The following KIF1C variants were observed in gnomAD, a reference collection of about 807,000 sequenced individuals.
KIF1C encodes kinesin family member 1C, also known as kinesin-like protein KIF1C.
A neutral mutation model predicts 126.5 loss-of-function variants in KIF1C; 61 were observed. That is an observed-to-expected ratio of 0.48 (90% CI 0.39 to 0.60). KIF1C has a LOEUF of 0.60. Among genes scored for constraint, KIF1C ranks in the 20% least tolerant of loss-of-function variants. The pLI is 0.00. For synonymous variants in KIF1C, 640 were observed against 580.6 expected, an observed-to-expected ratio of 1.10 and a Z score of -1.47; for missense variants, 1,315 against 1,489.2, an observed-to-expected ratio of 0.88 and a Z score of 1.93.
chr17:5,003,942 G>T (rs1459152458), intron 10 of KIF1C, 26 bp downstream of exon 10: 1 of 1,612,058 alleles, frequency 6.2e-7, no homozygotes, highest in Non-Finnish European at 8.5e-7. Context: ...TGGAAAGAAG[G>T]GGCTTGGGAA....
rs960973563 is a variant in KIF1C at position 5,014,778 on chromosome 17, G to A, written c.1607G>A (p.Gly536Glu). ...GQVDMDIKLT[G>E]QFIREQHCLF... ...GTAGATATGGACATCAAGCTGACCG[G>A]ACAGTTCATTCGGGAGCAACACTGT... Residue 536 changes from glycine (G) to glutamate (E), a missense_variant, in exon 18 of 23, where the codon GGA becomes GAA. Physicochemically the swap from Gly to Glu is moderately conservative, Grantham distance 98. Coordinates refer to ENST00000320785, the MANE Select transcript of KIF1C (RefSeq NM_006612.6). The A allele has an allele frequency of 6.2e-7, 1 of 1,601,628 alleles. No individual in the cohort carries two copies. Among genetic ancestry groups the A allele is most frequent in the Non-Finnish European group, 8.5e-7 (1 of 1,174,644 alleles).
At chr17:5,019,619 GATA>G (rs1975047201) in intron 18 of KIF1C, 1 of 239,586 alleles carries the variant, frequency 4.2e-6, no homozygotes, top group African/African-American at 2.3e-5. Flanking sequence ...CCCCACCAGG[GATA>G]ATGTCAGTGG....
chr17:5,003,469 G>C (rs1974652518), intron 8 of KIF1C, 143 bp from the exon 9 acceptor site: 1 of 609,760 alleles, frequency 1.6e-6, no homozygotes, highest in Non-Finnish European at 2.9e-6. Flanking sequence ...CACGTATTCT[G>C]TTTCCCCCGG....
Position 5,006,902 on chromosome 17 carries a change from T to A in KIF1C, c.1166-13T>A. 1 of 1,611,956 alleles carries A rather than the reference T, an allele frequency of 6.2e-7. No homozygotes were observed. Among genetic ancestry groups the A allele is most frequent in the South Asian group, 1.1e-5 (1 of 90,912 alleles). The stretch of plus-strand genomic sequence containing the variant: ...TCCTTAGCCTCATTCTTTTTCCTCT[T>A]TCTCCCTCCCAGGCCTGAAGACGGA... On this transcript the variant is annotated splice_polypyrimidine_tract_variant and intron_variant, in intron 13 of 22. Coordinates refer to ENST00000320785, the MANE Select transcript of KIF1C (RefSeq NM_006612.6).
chr17:5,000,148 G>A lies in KIF1C; in HGVS notation c.-27-72G>A. 4 of 819,766 alleles carry A rather than the reference G, an allele frequency of 4.9e-6. No homozygotes were observed. In the Admixed American group the frequency reaches 8.6e-5, roughly 18 times the overall value. 50.8% of individuals were successfully genotyped at this position (819,766 alleles called of 1,614,324 possible). On this transcript the variant is annotated intron_variant, in intron 2 of 22. Transcript: ENST00000320785. ...GGAGATGTGAAGAGACTGGTTCCGG[G>A]AAGAAGCTGGGAGGCAATGTCTGGG...
At chr17:5,000,935 C>A in intron 4 of KIF1C, 87 bp downstream of exon 4, 1 of 1,331,516 alleles carries the variant, frequency 7.5e-7, no homozygotes, top group Non-Finnish European at 1.1e-6. Context: ...AAATAGGACC[C>A]CCAGGGGATT....
rs371522240 is a variant in KIF1C at position 5,007,067 on chromosome 17, G to A, written c.1318G>A (p.Ala440Thr). ...NTESQIGPEE[A>T]MERLQETEKI... is the part of the protein sequence containing the mutation. ...GGAGTCCCAGATTGGGCCTGAGGAA[G>A]CCATGGAGAGGCTGCAGGTGGGAAG... The change falls in exon 14 of 23, where the codon GCC (alanine) becomes ACC (threonine). Residue 440 changes from alanine to threonine, a missense_variant. By Grantham distance (58) the Ala-to-Thr change is moderately conservative. This residue lies in a region of KIF1C where 874 missense variants were observed against 1,053.2 expected (regional missense o/e 0.83). Transcript: ENST00000320785. The A allele has an allele frequency of 5.0e-6, 8 of 1,593,908 alleles. No individual in the cohort carries two copies. Among genetic ancestry groups the A allele is most frequent in the Non-Finnish European group, 6.8e-6 (8 of 1,173,158 alleles).
chr17:5,020,404 CCT>C lies in KIF1C; in HGVS notation c.1751-87_1751-86del. 1 of 1,318,630 alleles carries C rather than the reference CCT, an allele frequency of 7.6e-7. No individual in the cohort carries two copies. Among genetic ancestry groups the C allele is most frequent in the African/African-American group, 1.5e-5 (1 of 68,110 alleles). 81.7% of individuals were successfully genotyped at this position (1,318,630 alleles called of 1,614,324 possible). A position where few individuals can be genotyped will look rare whatever the true frequency, so the allele number is the denominator to read the frequency against. On this transcript the variant is annotated intron_variant, in intron 19 of 22. Coordinates refer to ENST00000320785, the MANE Select transcript of KIF1C (RefSeq NM_006612.6). The surrounding 1 kb of genome is among the most constrained non-coding windows in gnomAD (Gnocchi z 5.8). ...TGATGAAGGGGAGGGTGTCACAGCC[CCT>C]GTGCCAGATTCTCTATGCCTTGGGT...
At chr17:5,003,581 C>A in intron 8 of KIF1C, 31 bp from the exon 9 acceptor site, 8 of 1,558,016 alleles carry the variant, frequency 5.1e-6, no homozygotes, top group Non-Finnish European at 7.0e-6. Context: ...CCACCCGCAC[C>A]TTATCTCCTG....
chr17:4,998,434 C>T (rs1974449796), intron 1 of KIF1C, among the ~76,000 whole-genome samples: 1 of 152,166 alleles, frequency 6.6e-6, no homozygotes. Context: ...CCTTTCGGGC[C>T]GGTCGGCCCC....
intron 16 of KIF1C, among the ~76,000 whole-genome samples, chr17:5,008,396 G>A (rs111884899): frequency 0.099 from 15,024 of 151,542 alleles, 1,482 homozygotes; most frequent in African/African-American, 0.25. Context: ...GCAGAGGCCA[G>A]TTTGAGCAGA....
In KIF1C at chr17:5,007,258, C is replaced by T; in HGVS notation, c.1336-5C>T. The T allele has an allele frequency of 1.2e-6, 2 of 1,605,710 alleles. No homozygotes were observed. The highest frequency in any genetic ancestry group is 8.5e-7 in the Non-Finnish European group (1 of 1,176,000). ...TCCTGAAACCTACCCACCTTACGCC[C>T]CCAGGAGACAGAGAAGATTATAGCT... is the stretch of plus-strand genomic sequence containing the variant. On this transcript the variant is annotated splice_polypyrimidine_tract_variant and splice_region_variant and intron_variant, in intron 14 of 22. Coordinates refer to ENST00000320785, the MANE Select transcript of KIF1C (RefSeq NM_006612.6).
chr17:5,023,620 C>T lies in KIF1C; in HGVS notation c.2781C>T (p.Leu927=), dbSNP rs780050504. Residue 927 remains leucine (L), a synonymous_variant, in exon 23 of 23, where the codon CTC becomes CTT. Coordinates refer to ENST00000320785, the MANE Select transcript of KIF1C (RefSeq NM_006612.6). The surrounding 1 kb of genome is among the most constrained non-coding windows in gnomAD (Gnocchi z 4.2). ...CAAGCTGGGAGCGGGTGTCACGGCTCATGGAGGAGGACCCTGCCTTCCGTC... is the reference window on the plus strand; with the variant it reads ...CAAGCTGGGAGCGGGTGTCACGGCTTATGGAGGAGGACCCTGCCTTCCGTC... ...PLSSWERVSR[L]MEEDPAFRRG... 6.2e-7 allele frequency: 1 copy of T among 1,613,614 alleles called. No homozygotes were observed. Among genetic ancestry groups the T allele is most frequent in the African/African-American group, 1.3e-5 (1 of 75,034 alleles).
rs558165630 is a variant in KIF1C at position 5,010,477 on chromosome 17, G to GGT, written c.1491+2937_1491+2938dup. Reference sequence around the variant, plus strand: ...TAAAATTTTAATCTAGGCCGGGTGCGGTGGCTCACGCCTGTAATCCCAGCA... The same window carrying GGT: ...TAAAATTTTAATCTAGGCCGGGTGCGGTGTGGCTCACGCCTGTAATCCCAGCA... On this transcript the variant is annotated intron_variant, in intron 16 of 22. Coordinates refer to ENST00000320785, the MANE Select transcript of KIF1C (RefSeq NM_006612.6). 2.7e-3 allele frequency among the ~76,000 whole-genome samples: 406 copies of GGT among 152,148 alleles called. 3 individuals carry two copies. The highest frequency in any genetic ancestry group is 0.021 in the East Asian group (105 of 5,100).
At chr17:5,001,017 C>T (rs909835908) in intron 4 of KIF1C, among the ~76,000 whole-genome samples, 169 bp downstream of exon 4, 55 of 151,930 alleles carry the variant, frequency 3.6e-4, no homozygotes, top group African/African-American at 1.3e-3. Context: ...GAGGCCTCGA[C>T]AGGAAGGCGG....
Position 5,004,018 on chromosome 17 carries a change from G to A in KIF1C, c.885G>A (p.Ser295=), listed in dbSNP as rs148489739. The change falls in exon 11 of 23, where the codon TCG becomes TCA. Residue 295 remains serine (S), a synonymous_variant. Coordinates refer to ENST00000320785, the MANE Select transcript of KIF1C (RefSeq NM_006612.6). ...LADMQSKKRK[S]DFIPYRDSVL... ...CCCAGCAATCAAAGAAGCGAAAGTC[G>A]GATTTTATCCCCTACAGGGACTCTG... 1,025 of 1,614,038 alleles carry A rather than the reference G, an allele frequency of 6.4e-4. 12 individuals carry two copies. The South Asian group carries it at 6.4e-3, about 10-fold the overall frequency.
rs759229791 is a variant in KIF1C at position 5,007,561 on chromosome 17, G to A, written c.1491+19G>A. 14 of 1,536,704 alleles carry A rather than the reference G, an allele frequency of 9.1e-6. No homozygotes were observed. In the East Asian group the frequency reaches 1.4e-4, roughly 15 times the overall value. On this transcript the variant is annotated intron_variant, in intron 16 of 22. Transcript: ENST00000320785. The stretch of plus-strand genomic sequence containing the variant: ...AAAGAAGGTGAGTGAGGAATCGAGC[G>A]AGGAGGCCTAGAGAGCTCTCTGGAT...
chr17:5,014,901 C>A, intron 18 of KIF1C, 64 bp downstream of exon 18: 1 of 1,356,762 alleles, frequency 7.4e-7, no homozygotes, highest in Non-Finnish European at 1.0e-6. Context: ...ACCCCACACA[C>A]TGAACTCAGA....
rs780401920 is a variant in KIF1C, at chr17:5,020,300, C to T, written c.1751-192C>T. Among the ~76,000 whole-genome samples the T allele has an allele frequency of 6.6e-6, 1 of 152,178 alleles. No individual in the cohort carries two copies. Among genetic ancestry groups the T allele is most frequent in the Non-Finnish European group, 1.5e-5 (1 of 68,044 alleles). On this transcript the variant is annotated intron_variant, in intron 19 of 22. Coordinates refer to ENST00000320785, the MANE Select transcript of KIF1C (RefSeq NM_006612.6). This position sits in a 1 kb window ranked among gnomAD's most constrained non-coding sequence, Gnocchi z 5.8. Reference sequence around the variant, plus strand: ...AGAGGATGCCAAGCTCTTGCAATTCCCTTTGGTTGACAAGAATGGGGTTGG... The same window carrying T: ...AGAGGATGCCAAGCTCTTGCAATTCTCTTTGGTTGACAAGAATGGGGTTGG...
Sources: allele counts gnomAD v4.1 joint callset (sites outside exome capture counted in the v4.1 genomes callset), GRCh38; gene constraint gnomAD v4.1.1; regional missense constraint gnomAD v4.1.1; non-coding constraint Gnocchi (gnomAD v3.1); transcripts MANE v1.5; gene names NCBI Gene and HGNC (gene_info 2026-07-23, HGNC 2026-07-21).